VSTM4: variants seen among roughly 807,000 people sequenced by gnomAD.
VSTM4 encodes the protein V-set and transmembrane domain containing 4.
In VSTM4, 20 loss-of-function variants were observed where a neutral mutation model predicts 36.4. The observed-to-expected ratio is 0.55, with a 90% CI of 0.39 to 0.80. The LOEUF (loss-of-function observed/expected upper bound fraction) is 0.80, where lower values mean the gene tolerates loss of function less well. Among genes scored for constraint, VSTM4 ranks in the 30% least tolerant of loss-of-function variants. The pLI, the probability that VSTM4 is intolerant of heterozygous loss-of-function variation, is 0.00. For missense variants in VSTM4, 392 were observed against 404.5 expected, an observed-to-expected ratio of 0.97 and a Z score of 0.26; for synonymous variants, 182 against 173.9, an observed-to-expected ratio of 1.05 and a Z score of -0.37.
At chr10:49,105,323 G>A (rs1027280850) in intron 2 of VSTM4, among the ~76,000 whole-genome samples, 1 of 63,600 alleles carries the variant, frequency 1.6e-5, no homozygotes, top group African/African-American at 1.1e-4. Flanking sequence ...GAGAAAGAGA[G>A]AGAGACGGGG....
In VSTM4 at chr10:49,048,460, T is replaced by A. The variant is rs748175959; in HGVS notation, c.775+18A>T. Reference sequence around the variant, plus strand: ...TAATGATAGTTTCCAGGTAAGAAACTGCAGGCCAGCTCCTTACCTTTGGCA... The same window carrying A: ...TAATGATAGTTTCCAGGTAAGAAACAGCAGGCCAGCTCCTTACCTTTGGCA... On this transcript the variant is annotated intron_variant, in intron 6 of 7. Transcript: ENST00000332853. 6 of 1,562,746 alleles carry A rather than the reference T, an allele frequency of 3.8e-6. No individual in the cohort carries two copies. The African/African-American group carries it at 8.4e-5, about 22-fold the overall frequency.
chr10:49,112,169 T>A (rs923010091), intron 1 of VSTM4, among the ~76,000 whole-genome samples: 3 of 152,130 alleles, frequency 2.0e-5, no homozygotes, highest in African/African-American at 7.2e-5. Flanking sequence ...AAGGCCACTT[T>A]TTGAAGGAGG....
intron 2 of VSTM4, among the ~76,000 whole-genome samples, chr10:49,087,082 G>T (rs1374910260): frequency 6.6e-6 from 1 of 152,100 alleles, no homozygotes; most frequent in African/African-American, 2.4e-5. Context: ...CCTTCCTTTT[G>T]TCTCTCTGGG....
intron 4 of VSTM4, among the ~76,000 whole-genome samples, chr10:49,071,632 G>T (rs556517797): frequency 4.6e-5 from 7 of 152,358 alleles, no homozygotes; most frequent in Admixed American, 3.3e-4. Context: ...TGGCCTCCTG[G>T]CTCCTGGGAT....
chr10:49,059,546 T>C (rs1261717336), intron 5 of VSTM4, among the ~76,000 whole-genome samples: 1 of 152,084 alleles, frequency 6.6e-6, no homozygotes, highest in African/African-American at 2.4e-5. Flanking sequence ...AGAGGCTGCT[T>C]GCTAGACACA....
At chr10:49,024,827 C>G (rs547466959) in intron 7 of VSTM4, among the ~76,000 whole-genome samples, 13 of 152,248 alleles carry the variant, frequency 8.5e-5, no homozygotes, top group African/African-American at 3.1e-4. Flanking sequence ...TATCTTTTGA[C>G]AGGTAAGGAA....
chr10:49,088,508 G>A (rs1844413837), intron 2 of VSTM4, among the ~76,000 whole-genome samples: 1 of 152,232 alleles, frequency 6.6e-6, no homozygotes, highest in Non-Finnish European at 1.5e-5. Context: ...CAGAGTGCAT[G>A]TGGTTATTGT....
At chr10:49,089,823 T>C (rs1479247070) in intron 2 of VSTM4, among the ~76,000 whole-genome samples, 1 of 152,236 alleles carries the variant, frequency 6.6e-6, no homozygotes, top group African/African-American at 2.4e-5. Flanking sequence ...CAAAGTGAAT[T>C]TGATATATTG....
chr10:49,032,806 C>T (rs1269675674), intron 7 of VSTM4, among the ~76,000 whole-genome samples: 14 of 151,992 alleles, frequency 9.2e-5, no homozygotes, highest in Admixed American at 9.2e-4. Flanking sequence ...AAAATCTCCA[C>T]ATGGCTTTTA....
At chr10:49,049,946 A>T (rs1344261230) in intron 5 of VSTM4, among the ~76,000 whole-genome samples, 1 of 152,218 alleles carries the variant, frequency 6.6e-6, no homozygotes, top group Non-Finnish European at 1.5e-5. Flanking sequence ...TTTCATTTCC[A>T]GGAATTCGTT....
intron 2 of VSTM4, among the ~76,000 whole-genome samples, chr10:49,095,529 A>C (rs1844554469): frequency 6.6e-6 from 1 of 151,956 alleles, no homozygotes. Context: ...ATCTAAGTCC[A>C]TTGAGTTACT....
At chr10:49,019,981 C>T (rs570156194) in intron 7 of VSTM4, among the ~76,000 whole-genome samples, 1 of 152,254 alleles carries the variant, frequency 6.6e-6, no homozygotes, top group Non-Finnish European at 1.5e-5. Flanking sequence ...CTACGTCCTG[C>T]AGTGAGATCC....
chr10:49,101,285 T>C (rs4558089), intron 2 of VSTM4, among the ~76,000 whole-genome samples: 42,551 of 151,608 alleles, frequency 0.28, 7,083 homozygotes, highest in African/African-American at 0.47. Context: ...TAAAAGAAAA[T>C]ATAAACAACG....
At chr10:49,082,393 G>A (rs1020882365) in intron 3 of VSTM4, among the ~76,000 whole-genome samples, 1 of 152,224 alleles carries the variant, frequency 6.6e-6, no homozygotes, top group African/African-American at 2.4e-5. Context: ...GTCAGGCATG[G>A]TGGCTCATGC....
At chr10:49,048,406 A>C in intron 6 of VSTM4, 72 bp downstream of exon 6, 1 of 1,386,014 alleles carries the variant, frequency 7.2e-7, no homozygotes, top group Non-Finnish European at 9.8e-7. Flanking sequence ...TCATAATCCA[A>C]CATGGAACCC....
At chr10:49,049,388 A>G (rs941553563) in intron 5 of VSTM4, among the ~76,000 whole-genome samples, 1 of 152,170 alleles carries the variant, frequency 6.6e-6, no homozygotes, top group Non-Finnish European at 1.5e-5. Flanking sequence ...AGCTGCAAAC[A>G]TACACTGCTC....
At chr10:49,046,150 C>G (rs1161019958) in intron 7 of VSTM4, among the ~76,000 whole-genome samples, 2 of 152,164 alleles carry the variant, frequency 1.3e-5, no homozygotes, top group Non-Finnish European at 2.9e-5. Context: ...AATTAAAGCT[C>G]TTTATAAACC....
chr10:49,101,968 T>C lies in VSTM4; in HGVS notation c.457+5626A>G, dbSNP rs75193626. ...GCACTATTGTTAAAATACATGTGTG[T>C]CTGCGTGTGTGTGTGTGTGTTTGTG... On this transcript the variant is annotated intron_variant, in intron 2 of 7. Transcript: ENST00000332853. Among the ~76,000 whole-genome samples, 413 of 118,840 alleles carry C rather than the reference T, an allele frequency of 3.5e-3. 2 individuals carry two copies. The highest frequency in any genetic ancestry group is 0.016 in the African/African-American group (385 of 23,576). The allele number at this position is 118,840 out of a possible 152,430, so 78.0% of individuals were successfully genotyped here.
chr10:49,090,222 G>A (rs1844447759), intron 2 of VSTM4, among the ~76,000 whole-genome samples: 1 of 152,226 alleles, frequency 6.6e-6, no homozygotes, highest in African/African-American at 2.4e-5. Context: ...CAGAAGGCTG[G>A]AGCCTTAAGC....
Sources: gnomAD v4.1 joint callset for allele counts (sites outside exome capture counted in the v4.1 genomes callset) on GRCh38, gnomAD v4.1.1 for gene constraint, MANE v1.5 for transcripts, NCBI Gene and HGNC (gene_info 2026-07-23, HGNC 2026-07-21) for gene names.